CHCHD3: variants seen among roughly 807,000 people sequenced by gnomAD.
CHCHD3 encodes MICOS complex subunit MIC19.
In CHCHD3, 20 loss-of-function variants were observed where a neutral mutation model predicts 38.2. That is an observed-to-expected ratio of 0.52 (90% CI 0.37 to 0.76). CHCHD3 has a LOEUF of 0.76. Ranked by LOEUF, CHCHD3 falls within the 30% of genes least tolerant of loss-of-function variation. CHCHD3 has a pLI of 0.00. For synonymous variants in CHCHD3, 82 were observed against 100.0 expected, an observed-to-expected ratio of 0.82 and a Z score of 1.07; for missense variants, 245 against 279.2, an observed-to-expected ratio of 0.88 and a Z score of 0.87.
chr7:132,894,958 G>A (rs1809457411), intron 4 of CHCHD3, among the ~76,000 whole-genome samples: 1 of 152,194 alleles, frequency 6.6e-6, no homozygotes, highest in African/African-American at 2.4e-5. Context: ...TACTAGAAGG[G>A]CTTCAGTCAT....
chr7:132,914,375 G>C (rs1020151618), intron 4 of CHCHD3, among the ~76,000 whole-genome samples: 1 of 152,116 alleles, frequency 6.6e-6, no homozygotes, highest in African/African-American at 2.4e-5. Flanking sequence ...CTTCATCAGT[G>C]ATCTCTACTA....
chr7:132,933,727 T>C (rs1810569688), intron 4 of CHCHD3, among the ~76,000 whole-genome samples: 1 of 152,202 alleles, frequency 6.6e-6, no homozygotes, highest in Admixed American at 6.5e-5. Context: ...GAAAACTTTA[T>C]TACTCACTCA....
intron 4 of CHCHD3, among the ~76,000 whole-genome samples, chr7:132,948,442 G>A (rs1330322021): frequency 6.6e-6 from 1 of 152,098 alleles, no homozygotes; most frequent in Non-Finnish European, 1.5e-5. Context: ...TTCGATAAGG[G>A]CAGCTATAGT....
Position 133,072,232 on chromosome 7 carries a change from TTACTC to T in CHCHD3, c.82-2008_82-2004del, listed in dbSNP as rs1053524706. ...ATGGATGAATTTCATGGCATGTAAA[TTACTC>T]TACAACAATTTACTTTAATAAACTT... On this transcript the variant is annotated intron_variant, in intron 1 of 7. Coordinates refer to ENST00000262570, the MANE Select transcript of CHCHD3 (RefSeq NM_017812.4). Among the ~76,000 whole-genome samples the T allele has an allele frequency of 2.2e-4, 32 of 143,032 alleles. No homozygotes were observed. In the South Asian group the frequency reaches 5.0e-3, roughly 22 times the overall value. 93.8% of individuals were successfully genotyped at this position (143,032 alleles called of 152,430 possible).
At chr7:132,963,514 C>A (rs948472031) in intron 4 of CHCHD3, among the ~76,000 whole-genome samples, 1 of 151,356 alleles carries the variant, frequency 6.6e-6, no homozygotes, top group African/African-American at 2.4e-5. Context: ...CGCCTGTAGT[C>A]CCAGCTACTC....
At chr7:132,983,498 A>G (rs1361117543) in intron 3 of CHCHD3, among the ~76,000 whole-genome samples, 2 of 152,220 alleles carry the variant, frequency 1.3e-5, no homozygotes, top group Non-Finnish European at 1.5e-5. Flanking sequence ...TCCTGTTGCT[A>G]TTGTAGCGAG....
intron 4 of CHCHD3, among the ~76,000 whole-genome samples, chr7:132,942,686 C>T (rs115316369): frequency 7.9e-5 from 12 of 152,274 alleles, no homozygotes; most frequent in African/African-American, 1.9e-4. Context: ...ACTGGTATTA[C>T]AGACATGAAG....
chr7:133,029,572 T>A (rs973004612), intron 2 of CHCHD3, among the ~76,000 whole-genome samples: 1 of 152,230 alleles, frequency 6.6e-6, no homozygotes, highest in African/African-American at 2.4e-5. Flanking sequence ...AACATAGGGA[T>A]GTCTTCCTAC....
At chr7:132,908,131 GA>G (rs1342404017) in intron 4 of CHCHD3, among the ~76,000 whole-genome samples, 1 of 152,150 alleles carries the variant, frequency 6.6e-6, no homozygotes, top group African/African-American at 2.4e-5. Context: ...GAAAGAGAAG[GA>G]AATTTGGGAC....
chr7:133,066,860 G>A (rs1010347326), intron 2 of CHCHD3, among the ~76,000 whole-genome samples: 2 of 152,106 alleles, frequency 1.3e-5, no homozygotes, highest in African/African-American at 2.4e-5. Context: ...TATAGACAAC[G>A]GGTTCTTTCC....
chr7:132,814,346 C>T (rs1807147032), intron 6 of CHCHD3, among the ~76,000 whole-genome samples: 1 of 152,160 alleles, frequency 6.6e-6, no homozygotes, highest in Non-Finnish European at 1.5e-5. Flanking sequence ...TGAGGTCTGT[C>T]CCTTCCCCTA....
At chr7:133,005,406 C>T (rs547972677) in intron 3 of CHCHD3, among the ~76,000 whole-genome samples, 1 of 152,288 alleles carries the variant, frequency 6.6e-6, no homozygotes, top group South Asian at 2.1e-4. Context: ...AAAGATCCAA[C>T]AACCATATTT....
intron 5 of CHCHD3, among the ~76,000 whole-genome samples, chr7:132,883,952 T>G (rs1809141106): frequency 2.0e-5 from 3 of 152,006 alleles, no homozygotes; most frequent in South Asian, 2.1e-4. Context: ...AAACCTAGAG[T>G]TTATTCTTTC....
intron 4 of CHCHD3, chr7:132,973,250 T>C (rs1562925982): frequency 9.1e-6 from 9 of 985,254 alleles, no homozygotes; most frequent in Non-Finnish European, 1.1e-5. Flanking sequence ...CAAGGTATTC[T>C]TCTGCCCGCT....
rs55835343 is a variant in CHCHD3 at position 132,807,606 on chromosome 7, A to AATATATATATATAT, written c.525-11043_525-11030dup. The stretch of plus-strand genomic sequence containing the variant: ...CCATGTATATGCTAACATACACATA[A>AATATATATATATAT]ATATATATATATATATATATATATA... On this transcript the variant is annotated intron_variant, in intron 6 of 7. Transcript: ENST00000262570. Among the ~76,000 whole-genome samples, 387 of 108,880 alleles carry AATATATATATATAT rather than the reference A, an allele frequency of 3.6e-3. 7 individuals carry two copies. The highest frequency in any genetic ancestry group is 4.4e-3 in the Non-Finnish European group (229 of 51,956). The allele number at this position is 108,880 out of a possible 152,430, so 71.4% of individuals were successfully genotyped here.
intron 4 of CHCHD3, among the ~76,000 whole-genome samples, chr7:132,963,511 A>T (rs1439693468): frequency 2.6e-5 from 4 of 151,658 alleles, no homozygotes; most frequent in Non-Finnish European, 4.4e-5. Context: ...GGGCGCCTGT[A>T]GTCCCAGCTA....
intron 4 of CHCHD3, chr7:132,973,316 C>T: frequency 6.1e-6 from 6 of 985,436 alleles, no homozygotes; most frequent in East Asian, 1.1e-4. Flanking sequence ...TATTAACCTC[C>T]TCCACTACAT....
chr7:132,943,602 T>C (rs1223649531), intron 4 of CHCHD3, among the ~76,000 whole-genome samples: 2 of 151,682 alleles, frequency 1.3e-5, no homozygotes, highest in Non-Finnish European at 2.9e-5. Flanking sequence ...AAAACAAAAG[T>C]ACAAATAAAG....
chr7:132,850,524 C>T (rs17458470), intron 5 of CHCHD3, among the ~76,000 whole-genome samples: 43,915 of 149,912 alleles, frequency 0.29, 6,471 homozygotes, highest in East Asian at 0.37. Flanking sequence ...CCTGCCACTA[C>T]ACAAGGAAAA....
Sources: gnomAD v4.1 joint callset for allele counts (sites outside exome capture counted in the v4.1 genomes callset) on GRCh38, gnomAD v4.1.1 for gene constraint, MANE v1.5 for transcripts, NCBI Gene and HGNC (gene_info 2026-07-23, HGNC 2026-07-21) for gene names.